MALT1: variants seen among roughly 807,000 people sequenced by gnomAD.
The protein encoded by MALT1 is mucosa-associated lymphoid tissue lymphoma translocation protein 1.
In MALT1, 36 loss-of-function variants were observed where a neutral mutation model predicts 85.5. The observed-to-expected ratio is 0.42, with a 90% CI of 0.32 to 0.56. The LOEUF (loss-of-function observed/expected upper bound fraction) is 0.56, where lower values mean the gene tolerates loss of function less well. Among genes scored for constraint, MALT1 ranks in the 20% least tolerant of loss-of-function variants. MALT1 has a pLI of 0.10. For synonymous variants in MALT1, 359 were observed against 361.3 expected, an observed-to-expected ratio of 0.99 and a Z score of 0.07; for missense variants, 716 against 981.6, an observed-to-expected ratio of 0.73 and a Z score of 3.62.
chr18:58,701,764 A>C (rs1003830768), intron 4 of MALT1, among the ~76,000 whole-genome samples: 1 of 152,226 alleles, frequency 6.6e-6, no homozygotes, highest in African/African-American at 2.4e-5. Flanking sequence ...CCAAAAGTTA[A>C]TCTTTTGAAC....
chr18:58,744,217 T>C lies in MALT1; in HGVS notation c.1754-121T>C, dbSNP rs574055745. ...TGAGCATTATTTTTTAAATTGTATG[T>C]GTTTAAACAATGTAAATCATGTTTT... is the stretch of plus-strand genomic sequence containing the variant. On this transcript the variant is annotated intron_variant, in intron 14 of 16. Coordinates refer to ENST00000649217, the MANE Select transcript of MALT1 (RefSeq NM_006785.4). 7 of 582,162 alleles carry C rather than the reference T, an allele frequency of 1.2e-5. No homozygotes were observed. In the African/African-American group the frequency reaches 1.3e-4, roughly 11 times the overall value. The allele number at this position is 582,162 out of a possible 1,614,324, so 36.1% of individuals were successfully genotyped here. A position where few individuals can be genotyped will look rare whatever the true frequency, so the allele number is the denominator to read the frequency against.
intron 1 of MALT1, 95 bp from the exon 2 acceptor site, chr18:58,681,075 G>T: frequency 9.3e-7 from 1 of 1,076,218 alleles, no homozygotes; most frequent in Non-Finnish European, 1.3e-6. Flanking sequence ...ACTCACTTGT[G>T]ATTTATTCCA....
chr18:58,747,487 T>C lies in MALT1; in HGVS notation c.2120T>C (p.Val707Ala), dbSNP rs907821902. The C allele has an allele frequency of 1.2e-6, 2 of 1,614,012 alleles. No homozygotes were observed. The highest frequency in any genetic ancestry group is 1.7e-6 in the Non-Finnish European group (2 of 1,179,858). Residue 707 changes from valine to alanine, a missense_variant, in exon 17 of 17, where the codon GTT becomes GCT. Val to Ala is a moderately conservative substitution (Grantham distance 64). Transcript: ENST00000649217. ...GTAGAGGACAAGCAGGAAGTGAATG[T>C]TGGGAAACCTCTCATTGCTAAATTA... ...DTVEDKQEVN[V>A]GKPLIAKLDM...
chr18:58,732,014 C>A (rs560760549), intron 10 of MALT1, among the ~76,000 whole-genome samples: 5 of 152,264 alleles, frequency 3.3e-5, no homozygotes, highest in African/African-American at 1.2e-4. Context: ...AAGCAGACGA[C>A]CTGGATTTTG....
intron 10 of MALT1, among the ~76,000 whole-genome samples, chr18:58,732,080 C>T (rs2055158665): frequency 6.6e-6 from 1 of 152,156 alleles, no homozygotes. Context: ...GCATTCTCTG[C>T]TAGGAGTCGG....
rs1722805706 is a variant in MALT1, at chr18:58,684,731, C to A, written c.376+3395C>A. ...AAAGTGCTGGGATTACAGGCGTGAG[C>A]CACTGCGCCCAGCCAACTTACTCTA... On this transcript the variant is annotated intron_variant, in intron 2 of 16. Transcript: ENST00000649217. Among the ~76,000 whole-genome samples, 5 of 152,178 alleles carry A rather than the reference C, an allele frequency of 3.3e-5. No homozygotes were observed. In the South Asian group the frequency reaches 1.0e-3, roughly 32 times the overall value.
At chr18:58,713,733 G>A (rs1266999381) in intron 7 of MALT1, among the ~76,000 whole-genome samples, 1 of 152,180 alleles carries the variant, frequency 6.6e-6, no homozygotes, top group East Asian at 1.9e-4. Flanking sequence ...CAGTAGTTCT[G>A]TAAACCTTAA....
At position 58,752,690 on chromosome 18, in the gene MALT1, C is replaced by T. The variant is rs1193347026; in HGVS notation, c.*4848C>T. 6.6e-6 allele frequency: 1 copy of T among 151,398 alleles called. No homozygotes were observed. The highest frequency in any genetic ancestry group is 6.6e-5 in the Admixed American group (1 of 15,226). The allele number at this position is 151,398 out of a possible 1,614,324, so 9.4% of individuals were successfully genotyped here. ...TTGCACACACCTGTAGTCCCAGCTA[C>T]TCAGGAGGCTGAAGTGGGACGATCG... On this transcript the variant is annotated 3_prime_UTR_variant, in exon 17 of 17. Transcript: ENST00000649217.
At chr18:58,685,713 A>G (rs1248852471) in intron 2 of MALT1, among the ~76,000 whole-genome samples, 1 of 152,188 alleles carries the variant, frequency 6.6e-6, no homozygotes, top group Non-Finnish European at 1.5e-5. Context: ...GGGTTGGCCA[A>G]CTTGCCCCTC....
In MALT1 at chr18:58,750,182, A is replaced by G. The variant is rs1246355647; in HGVS notation, c.*2340A>G. On this transcript the variant is annotated 3_prime_UTR_variant, in exon 17 of 17. Transcript: ENST00000649217. ...TTTTATTTCTCTACTAACAGCAAAC[A>G]TTCTGAAAATGAGAATAAAGAAATC... 1 of 176,164 alleles carries G rather than the reference A, an allele frequency of 5.7e-6. No individual in the cohort carries two copies. The highest frequency in any genetic ancestry group is 2.4e-5 in the African/African-American group (1 of 42,212). The allele number at this position is 176,164 out of a possible 1,614,324, so 10.9% of individuals were successfully genotyped here. A position where few individuals can be genotyped will look rare whatever the true frequency, so the allele number is the denominator to read the frequency against.
intron 2 of MALT1, among the ~76,000 whole-genome samples, chr18:58,681,701 G>A (rs2054325066): frequency 6.6e-6 from 1 of 152,042 alleles, no homozygotes; most frequent in African/African-American, 2.4e-5. Flanking sequence ...GAATAGTGCA[G>A]CCAAAAAAAT....
chr18:58,693,116 A>T (rs138997378), intron 2 of MALT1, among the ~76,000 whole-genome samples: 2 of 152,288 alleles, frequency 1.3e-5, no homozygotes, highest in East Asian at 3.9e-4. Context: ...CATCCAGAAG[A>T]TCTAGCTAAT....
Position 58,747,655 on chromosome 18 carries a change from C to G in MALT1, c.2288C>G (p.Ser763Ter), listed in dbSNP as rs768162253. 6.2e-7 allele frequency: 1 copy of G among 1,614,154 alleles called. No individual in the cohort carries two copies. The highest frequency in any genetic ancestry group is 1.1e-5 in the South Asian group (1 of 91,078). ...GACCCATTCCATGGTGTTTACCATT[C>G]ACATCCTGGTAATCCAAGTAATGTT... ...LQDPFHGVYH[S>*]HPGNPSNVTP... Residue 763 changes from serine (S) to a stop codon, truncating the protein, a stop_gained, in exon 17 of 17, where the codon TCA becomes TGA. Coordinates refer to ENST00000649217, the MANE Select transcript of MALT1 (RefSeq NM_006785.4). LOFTEE classifies it low-confidence loss of function (END_TRUNC).
chr18:58,714,805 GA>G (rs2144400977), intron 8 of MALT1, among the ~76,000 whole-genome samples: 1 of 38,764 alleles, frequency 2.6e-5, no homozygotes, highest in East Asian at 1.2e-3. Flanking sequence ...CCTGTGGATA[GA>G]TCTGAAAATA....
At position 58,671,737 on chromosome 18, in the gene MALT1, C is replaced by T; in HGVS notation, c.94C>T (p.Arg32Cys). ...CCCTCCGGCCGGCGCGACCCTCAACCGCCTGCGGGAGCCGCTGCTGCGGAG... is the reference window on the plus strand; with the variant it reads ...CCCTCCGGCCGGCGCGACCCTCAACTGCCTGCGGGAGCCGCTGCTGCGGAG... Reference protein sequence around the residue: ...LAPPAGATLNRLREPLLRRLS... With the variant: ...LAPPAGATLNCLREPLLRRLS... The change falls in exon 1 of 17, where the codon CGC becomes TGC. Residue 32 changes from arginine to cysteine, a missense_variant. Arg to Cys is a radical substitution (Grantham distance 180, BLOSUM62 -3). Around this residue, in one of 4 missense-constraint regions of MALT1, gnomAD observed 80 missense variants for 65.1 expected, o/e 1.23. Coordinates refer to ENST00000649217, the MANE Select transcript of MALT1 (RefSeq NM_006785.4). The T allele has an allele frequency of 1.6e-6, 2 of 1,278,460 alleles. No homozygotes were observed. Among genetic ancestry groups the T allele is most frequent in the Non-Finnish European group, 2.0e-6 (2 of 1,012,848 alleles). 79.2% of individuals were successfully genotyped at this position (1,278,460 alleles called of 1,614,324 possible). A position where few individuals can be genotyped will look rare whatever the true frequency, so the allele number is the denominator to read the frequency against.
At position 58,741,934 on chromosome 18, in the gene MALT1, G is replaced by A. The variant is rs201811923; in HGVS notation, c.1673G>A (p.Arg558Lys). The change falls in exon 14 of 17, where the codon AGA becomes AAA. Residue 558 changes from arginine to lysine, a missense_variant. This residue lies in a region of MALT1 where 260 missense variants were observed against 323.7 expected (regional missense o/e 0.80). Transcript: ENST00000649217. ...LEIRSSLSEK[R>K]ALTDPIQGTE... ...ATTCGAAGTAGTTTATCTGAGAAGA[G>A]AGCACTTACTGATCCAATACAGGGA... The A allele has an allele frequency of 7.0e-6, 11 of 1,573,108 alleles. No individual in the cohort carries two copies. In the East Asian group the frequency reaches 2.0e-4, roughly 29 times the overall value.
rs1270947563 is a variant in MALT1 at position 58,748,324 on chromosome 18, G to A, written c.*482G>A. The A allele has an allele frequency of 3.9e-5, 8 of 202,966 alleles. No individual in the cohort carries two copies. Among genetic ancestry groups the A allele is most frequent in the Non-Finnish European group, 7.1e-5 (7 of 98,630 alleles). The allele number at this position is 202,966 out of a possible 1,614,324, so 12.6% of individuals were successfully genotyped here. ...CCAGTATTTTTTCCACTACACAACT[G>A]CCTTCCTGACAGGTTCTGAGATAAG... On this transcript the variant is annotated 3_prime_UTR_variant, in exon 17 of 17. Coordinates refer to ENST00000649217, the MANE Select transcript of MALT1 (RefSeq NM_006785.4).
chr18:58,712,919 C>T (rs1038963506), intron 7 of MALT1, among the ~76,000 whole-genome samples: 3 of 151,944 alleles, frequency 2.0e-5, no homozygotes, highest in African/African-American at 7.3e-5. Context: ...TACATGTATA[C>T]AAATTTTAAT....
In MALT1 at chr18:58,723,120, T is replaced by G; in HGVS notation, c.1091T>G (p.Val364Gly). The change falls in exon 10 of 17, where the codon GTG (valine) becomes GGG (glycine). Residue 364 changes from valine to glycine, a missense_variant. Around this residue, in one of 4 missense-constraint regions of MALT1, gnomAD observed 290 missense variants for 380.5 expected, o/e 0.76. Coordinates refer to ENST00000649217, the MANE Select transcript of MALT1 (RefSeq NM_006785.4). ...CACCCCAAGCTCAAAGCTCCTTTGGTGGATGTGTACGAATTGACTAACTTA... is the reference window on the plus strand; with the variant it reads ...CACCCCAAGCTCAAAGCTCCTTTGGGGGATGTGTACGAATTGACTAACTTA... The part of the protein sequence containing the change: ...REHPKLKAPL[V>G]DVYELTNLLR... 6.2e-7 allele frequency: 1 copy of G among 1,614,064 alleles called. No homozygotes were observed. The highest frequency in any genetic ancestry group is 8.5e-7 in the Non-Finnish European group (1 of 1,179,976).
Sources: allele counts gnomAD v4.1 joint callset (sites outside exome capture counted in the v4.1 genomes callset), GRCh38; gene constraint gnomAD v4.1.1; regional missense constraint gnomAD v4.1.1; transcripts MANE v1.5; gene names NCBI Gene and HGNC (gene_info 2026-07-23, HGNC 2026-07-21).